Variants in SEC24A observed in about 807,000 individuals in gnomAD.
The protein encoded by SEC24A is protein transport protein Sec24A.
Under a neutral mutation model 129.4 loss-of-function variants are expected in SEC24A, and 93 were observed. That is an observed-to-expected ratio of 0.72 (90% CI 0.61 to 0.85). The LOEUF (loss-of-function observed/expected upper bound fraction) is 0.85. SEC24A is among the 40% of genes least tolerant of loss of function. The pLI, the probability that SEC24A is intolerant of heterozygous loss-of-function variation, is 0.00. For missense variants in SEC24A, 1,264 were observed against 1,307.4 expected (o/e 0.97, Z 0.51); for synonymous variants, 460 against 467.3 (o/e 0.98, Z 0.20).
At chr5:134,659,352 G>A (rs946855044) in intron 1 of SEC24A, among the ~76,000 whole-genome samples, 7 of 152,164 alleles carry the variant, frequency 4.6e-5, no homozygotes, top group South Asian at 2.1e-4. Flanking sequence ...GATTATAGGC[G>A]TGAGCCACCG....
chr5:134,718,097 T>C lies in SEC24A; in HGVS notation c.2894T>C (p.Ile965Thr), dbSNP rs748388978. 2.0e-5 allele frequency: 32 copies of C among 1,613,950 alleles called. No homozygotes were observed. The highest frequency in any genetic ancestry group is 3.3e-5 in the Admixed American group (2 of 59,978). The change falls in exon 20 of 23, where the codon ATA becomes ACA. Residue 965 changes from isoleucine to threonine, a missense_variant. Transcript: ENST00000398844. ...GCACTCAACATCAGTGATAGAACCA[T>C]ACCTCAGCCCCCCATTCTTCAGCTT... is the stretch of plus-strand genomic sequence containing the variant. ...EGALNISDRT[I>T]PQPPILQLSV...
chr5:134,680,015 G>A (rs1751211012), intron 8 of SEC24A, among the ~76,000 whole-genome samples: 1 of 152,026 alleles, frequency 6.6e-6, no homozygotes, highest in Non-Finnish European at 1.5e-5. Context: ...ACTTAAGCCA[G>A]GAATTTAAGA....
intron 11 of SEC24A, among the ~76,000 whole-genome samples, chr5:134,690,416 C>T (rs1012040105): frequency 3.3e-5 from 5 of 151,902 alleles, no homozygotes; most frequent in South Asian, 2.1e-4. Context: ...TGGGCTCAAG[C>T]GATCCTTCCA....
intron 13 of SEC24A, among the ~76,000 whole-genome samples, chr5:134,694,668 A>G (rs561406128): frequency 2.2e-3 from 329 of 151,706 alleles, no homozygotes; most frequent in Non-Finnish European, 3.3e-3. Flanking sequence ...AAAAAAAAAA[A>G]ATTAGCTGGG....
rs1752729749 is a variant in SEC24A at position 134,725,127 on chromosome 5, A to T, written c.*33A>T. On this transcript the variant is annotated 3_prime_UTR_variant, in exon 23 of 23. Transcript: ENST00000398844. ...AAGAAATTTGACTTATTTTTAAGGA[A>T]TGTCACGATAGTGCAGAATACCTGG... The T allele has an allele frequency of 9.2e-7, 1 of 1,089,278 alleles. No individual in the cohort carries two copies. The highest frequency in any genetic ancestry group is 1.5e-5 in the African/African-American group (1 of 64,572). The allele number at this position is 1,089,278 out of a possible 1,614,324, so 67.5% of individuals were successfully genotyped here.
At chr5:134,649,784 C>T (rs190992923) in intron 1 of SEC24A, among the ~76,000 whole-genome samples, 1 of 152,350 alleles carries the variant, frequency 6.6e-6, no homozygotes, top group African/African-American at 2.4e-5. Context: ...GTGGACACAA[C>T]TCTCTGAATC....
intron 3 of SEC24A, among the ~76,000 whole-genome samples, chr5:134,669,004 G>C (rs182562195): frequency 1.3e-5 from 2 of 149,708 alleles, no homozygotes; most frequent in African/African-American, 4.9e-5. Context: ...CCCGAGAGGT[G>C]GAGGTTGCAG....
chr5:134,704,211 A>T (rs1019871579), intron 16 of SEC24A, among the ~76,000 whole-genome samples: 5 of 152,060 alleles, frequency 3.3e-5, no homozygotes, highest in African/African-American at 1.2e-4. Flanking sequence ...TTGGGAGTAC[A>T]GGTGTGCGCC....
intron 9 of SEC24A, among the ~76,000 whole-genome samples, chr5:134,684,585 C>T (rs992966090): frequency 1.6e-4 from 24 of 150,276 alleles, no homozygotes; most frequent in South Asian, 2.1e-4. Flanking sequence ...TGGTGACATA[C>T]GCCTGTAATC....
chr5:134,681,898 G>T (rs1350621323), intron 8 of SEC24A, among the ~76,000 whole-genome samples: 3 of 152,154 alleles, frequency 2.0e-5, no homozygotes, highest in Non-Finnish European at 4.4e-5. Context: ...GCCAGCTAGT[G>T]TCTGTACATT....
In SEC24A at chr5:134,726,616, G is replaced by C. The variant is rs374463438; in HGVS notation, c.*1522G>C. ...TATGAAAATATCTCCCTTAAGCAGT[G>C]TTAAGGTTGGTTTGCAGTGTGTAAG... On this transcript the variant is annotated 3_prime_UTR_variant, in exon 23 of 23. Transcript: ENST00000398844. The C allele has an allele frequency of 6.6e-6, 1 of 152,380 alleles. No individual in the cohort carries two copies. Among genetic ancestry groups the C allele is most frequent in the East Asian group, 1.9e-4 (1 of 5,202 alleles). The allele number at this position is 152,380 out of a possible 1,614,324, so 9.4% of individuals were successfully genotyped here. A position where few individuals can be genotyped will look rare whatever the true frequency, so the allele number is the denominator to read the frequency against.
intron 22 of SEC24A, 24 bp downstream of exon 22, chr5:134,723,694 A>G (rs756211820): frequency 1.9e-5 from 27 of 1,421,522 alleles, no homozygotes; most frequent in Middle Eastern, 1.8e-4. Flanking sequence ...TCCATTTGCT[A>G]GTAGTAAAAC....
chr5:134,689,387 T>C (rs1751557092), intron 11 of SEC24A, among the ~76,000 whole-genome samples: 1 of 152,126 alleles, frequency 6.6e-6, no homozygotes, highest in Non-Finnish European at 1.5e-5. Context: ...TTTATAGCAA[T>C]AGCAATCATT....
At chr5:134,682,347 A>G (rs1319306576) in intron 8 of SEC24A, 26 bp from the exon 9 acceptor site, 8 of 1,195,124 alleles carry the variant, frequency 6.7e-6, no homozygotes, top group African/African-American at 4.6e-5. Context: ...AGTTTTTTCA[A>G]TATGTGTATT....
rs549228119 is a variant in SEC24A, at chr5:134,720,193, C to T, written c.2971-805C>T. Among the ~76,000 whole-genome samples, 12 of 152,306 alleles carry T rather than the reference C, an allele frequency of 7.9e-5. No homozygotes were observed. In the South Asian group the frequency reaches 2.5e-3, roughly 32 times the overall value. ...AACTTTCAGTCTTGTGCACTCCATT[C>T]GTGGTTAAGTGCCCTATACAGGTGT... On this transcript the variant is annotated intron_variant, in intron 20 of 22. Transcript: ENST00000398844.
chr5:134,667,669 C>CA lies in SEC24A; in HGVS notation c.739+686dup, dbSNP rs1191699758. Among the ~76,000 whole-genome samples, 818 of 114,954 alleles carry CA rather than the reference C, an allele frequency of 7.1e-3. 6 individuals carry two copies. Among genetic ancestry groups the CA allele is most frequent in the East Asian group, 0.038 (156 of 4,084 alleles). The allele number at this position is 114,954 out of a possible 152,430, so 75.4% of individuals were successfully genotyped here. A position where few individuals can be genotyped will look rare whatever the true frequency, so the allele number is the denominator to read the frequency against. Reference sequence around the variant, plus strand: ...ACTCCGTCTCAAAAAAAAAAAAAAACAAAAAAAAAAAAACAAGATATATTT... The same window carrying CA: ...ACTCCGTCTCAAAAAAAAAAAAAAACAAAAAAAAAAAAAACAAGATATATTT... On this transcript the variant is annotated intron_variant, in intron 3 of 22. Coordinates refer to ENST00000398844, the MANE Select transcript of SEC24A (RefSeq NM_021982.3).
intron 16 of SEC24A, 71 bp from the exon 17 acceptor site, chr5:134,705,256 C>G (rs1344649430): frequency 8.2e-7 from 1 of 1,217,316 alleles, no homozygotes; most frequent in African/African-American, 1.5e-5. Flanking sequence ...GTGATTTTTC[C>G]AAGTGACTTT....
intron 1 of SEC24A, among the ~76,000 whole-genome samples, chr5:134,649,575 T>TG (rs1749980624): frequency 6.6e-6 from 1 of 151,862 alleles, no homozygotes. Context: ...TGAAGTGGGG[T>TG]GGGGGTCGTA....
chr5:134,683,439 G>T (rs1039788352), intron 9 of SEC24A, among the ~76,000 whole-genome samples: 8 of 151,362 alleles, frequency 5.3e-5, no homozygotes, highest in African/African-American at 1.7e-4. Flanking sequence ...TGCAAATATT[G>T]TTCTTTTCTA....
Sources: allele counts gnomAD v4.1 joint callset (sites outside exome capture counted in the v4.1 genomes callset), GRCh38; gene constraint gnomAD v4.1.1; transcripts MANE v1.5; gene names NCBI Gene and HGNC (gene_info 2026-07-23, HGNC 2026-07-21).